LOXL2: variants seen among roughly 807,000 people sequenced by gnomAD.
The protein encoded by LOXL2 is lysyl oxidase like 2.
In LOXL2, 70 loss-of-function variants were observed where a neutral mutation model predicts 93.0. That is an observed-to-expected ratio of 0.75 (90% CI 0.62 to 0.92). The LOEUF (loss-of-function observed/expected upper bound fraction) is 0.92, where lower values mean the gene tolerates loss of function less well. Among genes scored for constraint, LOXL2 ranks in the 40% least tolerant of loss-of-function variants. The pLI, the probability that LOXL2 is intolerant of heterozygous loss-of-function variation, is 0.00. For missense variants in LOXL2, 973 were observed against 1,054.9 expected, an observed-to-expected ratio of 0.92 and a Z score of 1.08; for synonymous variants, 438 against 413.2, an observed-to-expected ratio of 1.06 and a Z score of -0.73.
chr8:23,379,583 C>T (rs1804645732), intron 1 of LOXL2, among the ~76,000 whole-genome samples: 2 of 152,176 alleles, frequency 1.3e-5, no homozygotes, highest in Admixed American at 6.5e-5. Context: ...GTGGGCTGCA[C>T]CCAGTTCGAG....
At chr8:23,389,663 C>T (rs1804812316) in intron 1 of LOXL2, among the ~76,000 whole-genome samples, 1 of 152,162 alleles carries the variant, frequency 6.6e-6, no homozygotes, top group Admixed American at 6.5e-5. Context: ...GTTTGGACAT[C>T]ATGCTTTTAG....
chr8:23,402,968 C>CCCGCT (rs1383543414), intron 1 of LOXL2, among the ~76,000 whole-genome samples: 6 of 152,082 alleles, frequency 3.9e-5, no homozygotes, highest in African/African-American at 1.2e-4. Flanking sequence ...ACACCCTCGC[C>CCCGCT]CCGCTCCGCC....
chr8:23,362,258 T>C (rs1358053251), intron 2 of LOXL2, among the ~76,000 whole-genome samples: 1 of 152,218 alleles, frequency 6.6e-6, no homozygotes, highest in Non-Finnish European at 1.5e-5. Flanking sequence ...ATGGGGTATC[T>C]AGAGGAGTCA....
intron 1 of LOXL2, among the ~76,000 whole-genome samples, chr8:23,388,464 G>T (rs1360767547): frequency 6.6e-6 from 1 of 151,768 alleles, no homozygotes; most frequent in Non-Finnish European, 1.5e-5. Flanking sequence ...AATGCCTATT[G>T]TTCCAGCTAC....
At chr8:23,386,238 C>A (rs1002595094) in intron 1 of LOXL2, among the ~76,000 whole-genome samples, 28 of 152,182 alleles carry the variant, frequency 1.8e-4, no homozygotes, top group African/African-American at 6.5e-4. Context: ...CTAAAAAATA[C>A]AAAAATTAGC....
intron 1 of LOXL2, among the ~76,000 whole-genome samples, chr8:23,382,150 A>G (rs1295907166): frequency 6.6e-6 from 1 of 152,204 alleles, no homozygotes; most frequent in Non-Finnish European, 1.5e-5. Context: ...AGTGGGCTCC[A>G]TTACACCCAG....
rs569389127 is a variant in LOXL2, at chr8:23,377,433, A to G, written c.-83-8999T>C. Reference sequence around the variant, plus strand: ...TATATTCTGTTGATTTGGGATGGAGAGTTCTGTAGATGTCTATTAGGTCCG... The same window carrying G: ...TATATTCTGTTGATTTGGGATGGAGGGTTCTGTAGATGTCTATTAGGTCCG... On this transcript the variant is annotated intron_variant, in intron 1 of 13. Coordinates refer to ENST00000389131, the MANE Select transcript of LOXL2 (RefSeq NM_002318.3). Among the ~76,000 whole-genome samples the G allele has an allele frequency of 5.4e-5, 8 of 148,092 alleles. No individual in the cohort carries two copies. The South Asian group carries it at 6.5e-4, about 12-fold the overall frequency.
intron 6 of LOXL2, 43 bp from the exon 7 acceptor site, chr8:23,322,324 G>A: frequency 6.3e-7 from 1 of 1,583,762 alleles, no homozygotes; most frequent in Non-Finnish European, 8.6e-7. Context: ...GCTTTGGAAG[G>A]AAACTTTCTG....
intron 1 of LOXL2, among the ~76,000 whole-genome samples, chr8:23,402,047 CAT>C (rs530003912): frequency 1.6e-4 from 24 of 152,284 alleles, no homozygotes; most frequent in African/African-American, 5.5e-4. Context: ...CGTGCACACA[CAT>C]ACACACAAGT....
chr8:23,389,022 C>G (rs961379340), intron 1 of LOXL2, among the ~76,000 whole-genome samples: 13 of 152,252 alleles, frequency 8.5e-5, no homozygotes, highest in Admixed American at 3.9e-4. Context: ...CTTGAAGCAC[C>G]TGTCACCCTA....
intron 10 of LOXL2, among the ~76,000 whole-genome samples, 188 bp from the exon 11 acceptor site, chr8:23,303,585 G>A (rs1383824760): frequency 6.6e-6 from 1 of 152,182 alleles, no homozygotes; most frequent in African/African-American, 2.4e-5. Flanking sequence ...TCAGGGCTCT[G>A]GAGTCAGACC....
At chr8:23,359,798 C>T (rs1260997815) in intron 3 of LOXL2, among the ~76,000 whole-genome samples, 1 of 152,214 alleles carries the variant, frequency 6.6e-6, no homozygotes, top group African/African-American at 2.4e-5. Context: ...CTTCAGTTAA[C>T]CCTACTCCCA....
intron 4 of LOXL2, among the ~76,000 whole-genome samples, chr8:23,333,914 T>C (rs1194501498): frequency 2.0e-5 from 3 of 152,092 alleles, no homozygotes; most frequent in Non-Finnish European, 4.4e-5. Context: ...ATAATAATAA[T>C]AAAGCCCAGG....
intron 1 of LOXL2, among the ~76,000 whole-genome samples, chr8:23,386,963 T>C (rs918515239): frequency 6.6e-6 from 1 of 152,144 alleles, no homozygotes; most frequent in Non-Finnish European, 1.5e-5. Context: ...TTGGAGAGTA[T>C]CCTGTTCAAA....
rs192682044 is a variant in LOXL2 at position 23,302,538 on chromosome 8, G to A, written c.1997-375C>T. The stretch of plus-strand genomic sequence containing the variant: ...TACTGTCTGTCTCCTCTGGAGGATC[G>A]GCAATTAGAGTGTAGGCCCATGTCT... On this transcript the variant is annotated intron_variant, in intron 11 of 13. Transcript: ENST00000389131. Among the ~76,000 whole-genome samples, 45 of 146,050 alleles carry A rather than the reference G, an allele frequency of 3.1e-4. 1 individual carries two copies. Among genetic ancestry groups the A allele is most frequent in the African/African-American group, 1.1e-3 (41 of 36,634 alleles).
At chr8:23,360,661 G>C (rs1337113292) in intron 2 of LOXL2, among the ~76,000 whole-genome samples, 1 of 152,164 alleles carries the variant, frequency 6.6e-6, no homozygotes, top group East Asian at 1.9e-4. Flanking sequence ...TGACACTTCA[G>C]CTGCACAGCT....
intron 5 of LOXL2, among the ~76,000 whole-genome samples, chr8:23,330,447 C>A (rs940822353): frequency 6.6e-6 from 1 of 152,162 alleles, no homozygotes; most frequent in Admixed American, 6.5e-5. Flanking sequence ...TGGTGGCCTC[C>A]TGCTTCCCTG....
rs144826244 is a variant in LOXL2 at position 23,368,454 on chromosome 8, C to G, written c.-83-20G>C. On this transcript the variant is annotated intron_variant, in intron 1 of 13. Transcript: ENST00000389131. Reference sequence around the variant, plus strand: ...AGCTTTCTGGAAGAGAGGAGAGATGCGTTAGGATGGGAACGTGGGGCTACG... The same window carrying G: ...AGCTTTCTGGAAGAGAGGAGAGATGGGTTAGGATGGGAACGTGGGGCTACG... 1.1e-6 allele frequency: 1 copy of G among 946,696 alleles called. No individual in the cohort carries two copies. The highest frequency in any genetic ancestry group is 1.7e-6 in the Non-Finnish European group (1 of 604,172). 58.6% of individuals were successfully genotyped at this position (946,696 alleles called of 1,614,324 possible). A position where few individuals can be genotyped will look rare whatever the true frequency, so the allele number is the denominator to read the frequency against.
rs186104759 is a variant in LOXL2 at position 23,385,339 on chromosome 8, C to T, written c.-83-16905G>A. Among the ~76,000 whole-genome samples, 6 of 149,652 alleles carry T rather than the reference C, an allele frequency of 4.0e-5. No homozygotes were observed. The East Asian group carries it at 9.9e-4, about 25-fold the overall frequency. ...TCGGCCTACTGCAACCTCTGCGTCC[C>T]AGGTTCAAGCAATTCTCCTGCCTCA... On this transcript the variant is annotated intron_variant, in intron 1 of 13. Coordinates refer to ENST00000389131, the MANE Select transcript of LOXL2 (RefSeq NM_002318.3).
Sources: allele counts gnomAD v4.1 joint callset (sites outside exome capture counted in the v4.1 genomes callset), GRCh38; gene constraint gnomAD v4.1.1; transcripts MANE v1.5; gene names NCBI Gene and HGNC (gene_info 2026-07-23, HGNC 2026-07-21).